The following USP6NL variants were observed in gnomAD, a reference collection of about 807,000 sequenced individuals.
USP6NL encodes USP6 N-terminal like, also known as USP6 N-terminal-like protein.
Under a neutral mutation model 61.9 loss-of-function variants are expected in USP6NL, and 26 were observed. The observed-to-expected ratio is 0.42, with a 90% CI of 0.31 to 0.58. The LOEUF (loss-of-function observed/expected upper bound fraction) is 0.58, where lower values mean the gene tolerates loss of function less well. Ranked by LOEUF, USP6NL falls within the 20% of genes least tolerant of loss-of-function variation. The probability of loss-of-function intolerance (pLI) is 0.16; values close to 1 mark genes in which losing one functional copy is unlikely to be tolerated. For synonymous variants in USP6NL, 432 were observed against 390.1 expected (o/e 1.11, Z -1.27); for missense variants, 1,114 against 1,034.3 (o/e 1.08, Z -1.06).
In USP6NL at chr10:11,528,126, C is replaced by T. The variant is rs963476210; in HGVS notation, c.5-559G>A. 6.9e-6 allele frequency among the ~76,000 whole-genome samples: 1 copy of T among 144,068 alleles called. No homozygotes were observed. Among genetic ancestry groups the T allele is most frequent in the Non-Finnish European group, 1.5e-5 (1 of 65,526 alleles). 94.5% of individuals were successfully genotyped at this position (144,068 alleles called of 152,430 possible). On this transcript the variant is annotated intron_variant, in intron 2 of 14. Coordinates refer to ENST00000609104, the MANE Select transcript of USP6NL (RefSeq NM_014688.5). This position sits in a 1 kb window ranked among gnomAD's most constrained non-coding sequence, Gnocchi z 4.6. The stretch of plus-strand genomic sequence containing the variant: ...ATACATATGTGTGTGGACACACACA[C>T]AGACACACACACACACACACACACA...
intron 3 of USP6NL, among the ~76,000 whole-genome samples, chr10:11,526,146 G>A (rs367610093): frequency 1.0e-4 from 15 of 145,092 alleles, no homozygotes; most frequent in African/African-American, 3.7e-4. Flanking sequence ...CATTGATGGT[G>A]TGCCCAAAGT....
rs535065611 is a variant in USP6NL at position 11,476,742 on chromosome 10, A to G, written c.1078+5028T>C. Among the ~76,000 whole-genome samples the G allele has an allele frequency of 6.6e-6, 1 of 152,268 alleles. No individual in the cohort carries two copies. The highest frequency in any genetic ancestry group is 1.5e-5 in the Non-Finnish European group (1 of 68,048). ...AAATGGTAGACAGTGTATGTAGATT[A>G]TAACAATGATAAAAAACTACATGTC... On this transcript the variant is annotated intron_variant, in intron 14 of 14. Transcript: ENST00000609104. This position sits in a 1 kb window ranked among gnomAD's most constrained non-coding sequence, Gnocchi z 4.3.
chr10:11,519,979 T>C (rs1020707259), intron 4 of USP6NL, among the ~76,000 whole-genome samples: 1 of 152,216 alleles, frequency 6.6e-6, no homozygotes, highest in African/African-American at 2.4e-5. Flanking sequence ...TCAAAGGCAC[T>C]CTTTTTCTAC....
At chr10:11,601,363 A>T (rs1838524451) in intron 1 of USP6NL, among the ~76,000 whole-genome samples, 1 of 152,176 alleles carries the variant, frequency 6.6e-6, no homozygotes. Flanking sequence ...AAAGCAAAGG[A>T]ATGCCAGAGC....
intron 10 of USP6NL, among the ~76,000 whole-genome samples, chr10:11,486,959 T>C (rs992473261): frequency 6.6e-6 from 1 of 152,084 alleles, no homozygotes; most frequent in African/African-American, 2.4e-5. Context: ...TCTTAACTAG[T>C]TCTCAGTTTT....
intron 2 of USP6NL, among the ~76,000 whole-genome samples, chr10:11,558,779 T>C (rs1035268964): frequency 2.6e-5 from 4 of 152,182 alleles, no homozygotes; most frequent in African/African-American, 9.7e-5. Context: ...CTCAAACAGA[T>C]CCATCCCTCG....
chr10:11,545,511 A>G (rs1408937005), intron 2 of USP6NL, among the ~76,000 whole-genome samples: 1 of 152,178 alleles, frequency 6.6e-6, no homozygotes, highest in Admixed American at 6.5e-5. Context: ...CATATCCTTT[A>G]CCACCGCAGT....
chr10:11,566,486 T>C (rs1337856323), intron 2 of USP6NL, among the ~76,000 whole-genome samples: 1 of 152,166 alleles, frequency 6.6e-6, no homozygotes, highest in Non-Finnish European at 1.5e-5. Context: ...ATAAGAACTT[T>C]TGTTTGAGGT....
At chr10:11,514,423 T>C (rs1042256037) in intron 5 of USP6NL, among the ~76,000 whole-genome samples, 1 of 152,200 alleles carries the variant, frequency 6.6e-6, no homozygotes, top group African/African-American at 2.4e-5. Flanking sequence ...TTTTCTTTTC[T>C]AGCTCCTCCC....
chr10:11,605,634 G>A (rs1838682588), intron 1 of USP6NL, among the ~76,000 whole-genome samples: 1 of 152,068 alleles, frequency 6.6e-6, no homozygotes, highest in Non-Finnish European at 1.5e-5. Context: ...TTTTGATAGG[G>A]AACTAGAAAC....
In USP6NL at chr10:11,496,548, A is replaced by G. The variant is rs1178505846; in HGVS notation, c.385-3320T>C. Among the ~76,000 whole-genome samples, 1 of 152,180 alleles carries G rather than the reference A, an allele frequency of 6.6e-6. No individual in the cohort carries two copies. The highest frequency in any genetic ancestry group is 1.5e-5 in the Non-Finnish European group (1 of 68,036). ...TTTAGTGGCATTTCAAGGGAAAGGG[A>G]GCTAAATGAGTATGTTGAATCTCCC... On this transcript the variant is annotated intron_variant, in intron 7 of 14. Transcript: ENST00000609104. This position sits in a 1 kb window ranked among gnomAD's most constrained non-coding sequence, Gnocchi z 5.4.
chr10:11,530,791 A>G (rs548717982), intron 2 of USP6NL, among the ~76,000 whole-genome samples: 90 of 152,378 alleles, frequency 5.9e-4, no homozygotes, highest in Middle Eastern at 6.8e-3. Flanking sequence ...ATTGCAAGGC[A>G]AACAGTAAGA....
rs1838072219 is a variant in USP6NL, at chr10:11,589,035, T to G, written c.4+8596A>C. Among the ~76,000 whole-genome samples, 1 of 152,174 alleles carries G rather than the reference T, an allele frequency of 6.6e-6. No individual in the cohort carries two copies. Among genetic ancestry groups the G allele is most frequent in the Admixed American group, 6.5e-5 (1 of 15,274 alleles). Reference sequence around the variant, plus strand: ...AACCACAATGGCCCTATTGCCCCCATGTATGGAAACCCGGATAAGATAATG... The same window carrying G: ...AACCACAATGGCCCTATTGCCCCCAGGTATGGAAACCCGGATAAGATAATG... On this transcript the variant is annotated intron_variant, in intron 2 of 14. Transcript: ENST00000609104. The surrounding 1 kb of genome is among the most constrained non-coding windows in gnomAD (Gnocchi z 4.7).
intron 2 of USP6NL, among the ~76,000 whole-genome samples, chr10:11,576,041 T>A (rs1403755257): frequency 6.6e-6 from 1 of 151,574 alleles, no homozygotes; most frequent in Non-Finnish European, 1.5e-5. Flanking sequence ...GATATATACT[T>A]CAAAATAGTT....
chr10:11,500,526 C>G (rs1048306774), intron 7 of USP6NL, among the ~76,000 whole-genome samples: 2 of 151,812 alleles, frequency 1.3e-5, no homozygotes, highest in African/African-American at 4.8e-5. Flanking sequence ...TACGAGATGA[C>G]AAGGAGATAC....
intron 2 of USP6NL, among the ~76,000 whole-genome samples, chr10:11,560,715 TA>T (rs1836899080): frequency 2.6e-5 from 1 of 37,898 alleles, no homozygotes; most frequent in Non-Finnish European, 6.6e-5. Flanking sequence ...ATATATATAT[TA>T]TATATATATA....
intron 2 of USP6NL, among the ~76,000 whole-genome samples, chr10:11,552,382 T>C (rs1437752921): frequency 6.6e-6 from 1 of 152,248 alleles, no homozygotes; most frequent in African/African-American, 2.4e-5. Context: ...TCCTACAATG[T>C]TAATCATAAT....
chr10:11,577,479 T>C (rs938226100), intron 2 of USP6NL, among the ~76,000 whole-genome samples: 3 of 152,092 alleles, frequency 2.0e-5, no homozygotes, highest in Non-Finnish European at 4.4e-5. Flanking sequence ...CTAACTTCTG[T>C]ATATTAGTTG....
At chr10:11,576,555 AG>A (rs1837552715) in intron 2 of USP6NL, among the ~76,000 whole-genome samples, 1 of 152,224 alleles carries the variant, frequency 6.6e-6, no homozygotes, top group South Asian at 2.1e-4. Context: ...AGAAGCTAGA[AG>A]GCGCCATCTA....
Sources: gnomAD v4.1 joint callset for allele counts (sites outside exome capture counted in the v4.1 genomes callset) on GRCh38, gnomAD v4.1.1 for gene constraint, Gnocchi (gnomAD v3.1) non-coding constraint, MANE v1.5 for transcripts, NCBI Gene and HGNC (gene_info 2026-07-23, HGNC 2026-07-21) for gene names.